Variants in STX1A observed in about 807,000 individuals in gnomAD.
STX1A encodes syntaxin-1A.
A neutral mutation model predicts 37.8 loss-of-function variants in STX1A; 4 were observed. That is an observed-to-expected ratio of 0.11 (90% confidence interval 0.05 to 0.24). STX1A has a LOEUF of 0.24. STX1A is among the 10% of genes least tolerant of loss of function. STX1A has a pLI of 1.00. For missense variants in STX1A, 251 were observed against 399.9 expected, an observed-to-expected ratio of 0.63 and a Z score of 3.18; for synonymous variants, 135 against 147.4, an observed-to-expected ratio of 0.92 and a Z score of 0.61.
chr7:73,704,507 C>T (rs1715429960), intron 4 of STX1A, 84 bp from the exon 5 acceptor site: 2 of 1,540,026 alleles, frequency 1.3e-6, no homozygotes, highest in Non-Finnish European at 8.9e-7. Context: ...TATCCACCTT[C>T]CCACATCCCC....
In STX1A at chr7:73,706,932, C is replaced by T. The variant is rs73362396; in HGVS notation, c.208+1657G>A. Among the ~76,000 whole-genome samples the T allele has an allele frequency of 0.039, 5,871 of 152,276 alleles. 370 individuals carry two copies. The highest frequency in any genetic ancestry group is 0.13 in the African/African-American group (5,493 of 41,526). On this transcript the variant is annotated intron_variant, in intron 3 of 9. Transcript: ENST00000222812. The surrounding 1 kb of genome is among the most constrained non-coding windows in gnomAD (Gnocchi z 4.6). ...CCTGAGGCAGTCCACCCTGCTCCCACCTGACCCATTTTGCCTTCTGAGGGC... is the reference window on the plus strand; with the variant it reads ...CCTGAGGCAGTCCACCCTGCTCCCATCTGACCCATTTTGCCTTCTGAGGGC...
intron 1 of STX1A, among the ~76,000 whole-genome samples, chr7:73,718,790 GCA>G (rs1463779993): frequency 6.6e-6 from 1 of 152,034 alleles, no homozygotes; most frequent in African/African-American, 2.4e-5. Flanking sequence ...GAACGTTTGT[GCA>G]TCCTCCTACT....
At position 73,705,398 on chromosome 7, in the gene STX1A, G is replaced by A; in HGVS notation, c.209-174C>T. 1.7e-6 allele frequency: 1 copy of A among 605,752 alleles called. No homozygotes were observed. Among genetic ancestry groups the A allele is most frequent in the Non-Finnish European group, 2.9e-6 (1 of 341,540 alleles). 37.5% of individuals were successfully genotyped at this position (605,752 alleles called of 1,614,324 possible). On this transcript the variant is annotated intron_variant, in intron 3 of 9. Transcript: ENST00000222812. This position sits in a 1 kb window ranked among gnomAD's most constrained non-coding sequence, Gnocchi z 5.2. ...CCCCCCTCCCCCAATTCTGGGCCAGGGCTGCACCAGCTGCAGCTTCACCCC... is the reference window on the plus strand; with the variant it reads ...CCCCCCTCCCCCAATTCTGGGCCAGAGCTGCACCAGCTGCAGCTTCACCCC...
chr7:73,719,422 T>A (rs1052627996), intron 1 of STX1A, among the ~76,000 whole-genome samples, 180 bp downstream of exon 1: 1 of 152,024 alleles, frequency 6.6e-6, no homozygotes, highest in Admixed American at 6.6e-5. Flanking sequence ...TGACCCCGAG[T>A]GGGTCCGAGG....
rs1483652810 is a variant in STX1A at position 73,718,959 on chromosome 7, A to ACG, written c.30+641_30+642dup. Reference sequence around the variant, plus strand: ...GATAGGTGGACCGGGGGCGGGTGTGACGCCCCCCCCCCCATACCTGGGGCG... The same window carrying ACG: ...GATAGGTGGACCGGGGGCGGGTGTGACGCGCCCCCCCCCCCATACCTGGGGCG... On this transcript the variant is annotated intron_variant, in intron 1 of 9. Transcript: ENST00000222812. Among the ~76,000 whole-genome samples, 15 of 112,730 alleles carry ACG rather than the reference A, an allele frequency of 1.3e-4. 1 individual carries two copies. Among genetic ancestry groups the ACG allele is most frequent in the African/African-American group, 5.2e-4 (15 of 28,594 alleles). 74.0% of individuals were successfully genotyped at this position (112,730 alleles called of 152,430 possible).
At chr7:73,712,773 C>T (rs1325796411) in intron 1 of STX1A, among the ~76,000 whole-genome samples, 2 of 152,204 alleles carry the variant, frequency 1.3e-5, no homozygotes, top group African/African-American at 2.4e-5. Flanking sequence ...AAGGCGGCAT[C>T]CACATCCTCC....
rs368284516 is a variant in STX1A, at chr7:73,709,017, G to A, written c.108+28C>T. 6.4e-5 allele frequency: 104 copies of A among 1,613,126 alleles called. No individual in the cohort carries two copies. The African/African-American group carries it at 8.9e-4, about 14-fold the overall frequency. The stretch of plus-strand genomic sequence containing the variant: ...GGCCCCCCAAGTTCTGCCAGTGTGC[G>A]GGAAGGGTGGGGTGTGCTGGCTCCC... On this transcript the variant is annotated intron_variant, in intron 2 of 9. Coordinates refer to ENST00000222812, the MANE Select transcript of STX1A (RefSeq NM_004603.4). This position sits in a 1 kb window ranked among gnomAD's most constrained non-coding sequence, Gnocchi z 4.2.
At chr7:73,718,808 C>A (rs1022748093) in intron 1 of STX1A, among the ~76,000 whole-genome samples, 48 of 152,234 alleles carry the variant, frequency 3.2e-4, no homozygotes, top group African/African-American at 1.2e-3. Flanking sequence ...CTACTCCCCC[C>A]AAACCCCGCC....
rs1178632016 is a variant in STX1A, at chr7:73,708,687, A to C, written c.110T>G (p.Val37Gly). Residue 37 changes from valine to glycine, a missense_variant and splice_region_variant, in exon 3 of 10, where the codon GTG becomes GGG. This residue lies in a region of STX1A where 214 missense variants were observed against 367.6 expected (regional missense o/e 0.58). Coordinates refer to ENST00000222812, the MANE Select transcript of STX1A (RefSeq NM_004603.4). ...DRFMDEFFEQVEEIRGFIDKI... is the reference protein window; with the variant it reads ...DRFMDEFFEQGEEIRGFIDKI... ...GTCAATGAAGCCTCGAATCTCCTCC[A>C]CCTGCGGACCAAGGCCAGGTGGTCA... 6.2e-7 allele frequency: 1 copy of C among 1,613,432 alleles called. No homozygotes were observed. The highest frequency in any genetic ancestry group is 1.3e-5 in the African/African-American group (1 of 74,866).
chr7:73,704,315 C>T lies in STX1A; in HGVS notation c.357+35G>A, dbSNP rs782158668. On this transcript the variant is annotated intron_variant, in intron 5 of 9. Transcript: ENST00000222812. ...CCCTGCGGGGACCGACCCAGAGACTCAGGTGCCCGCCCATCCTAGACTCCG... is the reference window on the plus strand; with the variant it reads ...CCCTGCGGGGACCGACCCAGAGACTTAGGTGCCCGCCCATCCTAGACTCCG... 5 of 1,613,836 alleles carry T rather than the reference C, an allele frequency of 3.1e-6. No homozygotes were observed. In the Admixed American group the frequency reaches 5.0e-5, roughly 16 times the overall value.
Position 73,702,598 on chromosome 7 carries a change from G to T in STX1A, c.678+247C>A. On this transcript the variant is annotated intron_variant, in intron 8 of 9. Coordinates refer to ENST00000222812, the MANE Select transcript of STX1A (RefSeq NM_004603.4). The surrounding 1 kb of genome is among the most constrained non-coding windows in gnomAD (Gnocchi z 4.7). Reference sequence around the variant, plus strand: ...AGGAAACAGTAGTAGGGGAATGAGAGACGGCGGGGTATAGAGGGTGGGGCC... The same window carrying T: ...AGGAAACAGTAGTAGGGGAATGAGATACGGCGGGGTATAGAGGGTGGGGCC... The T allele has an allele frequency of 5.0e-6, 6 of 1,208,886 alleles. No homozygotes were observed. Among genetic ancestry groups the T allele is most frequent in the Non-Finnish European group, 6.7e-6 (6 of 897,516 alleles). The allele number at this position is 1,208,886 out of a possible 1,614,324, so 74.9% of individuals were successfully genotyped here.
chr7:73,713,202 A>G (rs1306427124), intron 1 of STX1A, among the ~76,000 whole-genome samples: 1 of 152,198 alleles, frequency 6.6e-6, no homozygotes, highest in Admixed American at 6.5e-5. Flanking sequence ...CATCCAAGCT[A>G]GAGCCTGGTG....
intron 1 of STX1A, among the ~76,000 whole-genome samples, chr7:73,710,542 C>T (rs1799062986): frequency 6.6e-6 from 1 of 152,204 alleles, no homozygotes; most frequent in African/African-American, 2.4e-5. Flanking sequence ...TCTCCTGCCT[C>T]AGCCTCCCGA....
Position 73,704,482 on chromosome 7 carries a change from C to G in STX1A, c.284-59G>C, listed in dbSNP as rs1055769456. ...GGCCCCTTCAACCCCGTCCCCTACC[C>G]GCACACCCAGCATCTATCCACCTTC... On this transcript the variant is annotated intron_variant, in intron 4 of 9. Coordinates refer to ENST00000222812, the MANE Select transcript of STX1A (RefSeq NM_004603.4). The G allele has an allele frequency of 1.1e-5, 17 of 1,600,706 alleles. No homozygotes were observed. In the East Asian group the frequency reaches 3.6e-4, roughly 34 times the overall value.
At chr7:73,701,074 G>T in intron 8 of STX1A, 1 of 736,016 alleles carries the variant, frequency 1.4e-6, no homozygotes, top group South Asian at 1.8e-5. Flanking sequence ...TGGGGGTGGA[G>T]CTGGCCATGC....
rs782319390 is a variant in STX1A, at chr7:73,700,860, C to T, written c.679-20G>A. 19 of 1,611,640 alleles carry T rather than the reference C, an allele frequency of 1.2e-5. No homozygotes were observed. Among genetic ancestry groups the T allele is most frequent in the African/African-American group, 5.3e-5 (4 of 74,888 alleles). ...CTCTCCCTGCGGGGCCGGGGGCACC[C>T]GAGCTCCAGAGGGCCCCCTCCTCAG... is the stretch of plus-strand genomic sequence containing the variant. On this transcript the variant is annotated intron_variant, in intron 8 of 9. Coordinates refer to ENST00000222812, the MANE Select transcript of STX1A (RefSeq NM_004603.4). The surrounding 1 kb of genome is among the most constrained non-coding windows in gnomAD (Gnocchi z 4.4).
Position 73,700,264 on chromosome 7 carries a change from T to C in STX1A, c.*143A>G, listed in dbSNP as rs1798599325. 1 of 730,066 alleles carries C rather than the reference T, an allele frequency of 1.4e-6. No individual in the cohort carries two copies. Among genetic ancestry groups the C allele is most frequent in the Admixed American group, 2.2e-5 (1 of 45,620 alleles). The allele number at this position is 730,066 out of a possible 1,614,324, so 45.2% of individuals were successfully genotyped here. A position where few individuals can be genotyped will look rare whatever the true frequency, so the allele number is the denominator to read the frequency against. On this transcript the variant is annotated 3_prime_UTR_variant, in exon 10 of 10. Transcript: ENST00000222812. This position sits in a 1 kb window ranked among gnomAD's most constrained non-coding sequence, Gnocchi z 4.4. ...ACACGGGGCGGGGACGGAGGGCCCA[T>C]GGCAGAGAAGGGAGCATGGGGGCCG... is the stretch of plus-strand genomic sequence containing the variant.
intron 1 of STX1A, among the ~76,000 whole-genome samples, chr7:73,710,742 C>G (rs1554617826): frequency 1.3e-5 from 2 of 152,190 alleles, no homozygotes; most frequent in Non-Finnish European, 2.9e-5. Flanking sequence ...CACCTCATTT[C>G]TGAGTGCCTC....
rs1397467708 is a variant in STX1A, at chr7:73,700,304, C to CTA, written c.*102_*103insTA. 10 of 1,165,516 alleles carry CTA rather than the reference C, an allele frequency of 8.6e-6. No homozygotes were observed. Among genetic ancestry groups the CTA allele is most frequent in the Non-Finnish European group, 1.3e-5 (10 of 788,840 alleles). 72.2% of individuals were successfully genotyped at this position (1,165,516 alleles called of 1,614,324 possible). A position where few individuals can be genotyped will look rare whatever the true frequency, so the allele number is the denominator to read the frequency against. On this transcript the variant is annotated 3_prime_UTR_variant, in exon 10 of 10. Transcript: ENST00000222812. This position sits in a 1 kb window ranked among gnomAD's most constrained non-coding sequence, Gnocchi z 4.4. ...CATGGGGGCCGGGAGGGAGGGTGCT[C>CTA]TGAGCCAGAGGCGGGGGTTGGGAGG...
Sources: allele counts gnomAD v4.1 joint callset (sites outside exome capture counted in the v4.1 genomes callset), GRCh38; gene constraint gnomAD v4.1.1; regional missense constraint gnomAD v4.1.1; non-coding constraint Gnocchi (gnomAD v3.1); transcripts MANE v1.5; gene names NCBI Gene and HGNC (gene_info 2026-07-23, HGNC 2026-07-21).